Variants in PCSK2 observed in about 807,000 individuals in gnomAD.
PCSK2 encodes neuroendocrine convertase 2.
In PCSK2, 14 loss-of-function variants were observed where a neutral mutation model predicts 69.7. That is an observed-to-expected ratio of 0.20 (90% CI 0.13 to 0.31). The LOEUF is 0.31. Among genes scored for constraint, PCSK2 ranks in the 10% least tolerant of loss-of-function variants. The pLI is 1.00. For missense variants in PCSK2, 544 were observed against 842.5 expected, an observed-to-expected ratio of 0.65 and a Z score of 4.39; for synonymous variants, 307 against 320.7, an observed-to-expected ratio of 0.96 and a Z score of 0.46.
chr20:17,365,656 A>G (rs1340323463), intron 4 of PCSK2, among the ~76,000 whole-genome samples: 3 of 152,228 alleles, frequency 2.0e-5, no homozygotes, highest in Non-Finnish European at 4.4e-5. Context: ...TTGTAAAATC[A>G]AACAAGTTAC....
intron 6 of PCSK2, among the ~76,000 whole-genome samples, chr20:17,412,657 T>A (rs2031902621): frequency 6.6e-6 from 1 of 152,012 alleles, no homozygotes; most frequent in Admixed American, 6.6e-5. Context: ...CAGGCCAACA[T>A]TCAGATTCAG....
chr20:17,282,208 A>C (rs1988342470), intron 2 of PCSK2, among the ~76,000 whole-genome samples: 1 of 152,138 alleles, frequency 6.6e-6, no homozygotes, highest in African/African-American at 2.4e-5. Flanking sequence ...CACAAATGGC[A>C]GACAGACAAT....
intron 2 of PCSK2, among the ~76,000 whole-genome samples, chr20:17,337,760 T>TA (rs140609682): frequency 0.054 from 8,106 of 151,502 alleles, 446 homozygotes; most frequent in South Asian, 0.25. Context: ...CCTGACTCTT[T>TA]AAAAAAAATG....
At chr20:17,323,065 A>T (rs1438905399) in intron 2 of PCSK2, among the ~76,000 whole-genome samples, 1 of 152,058 alleles carries the variant, frequency 6.6e-6, no homozygotes, top group Non-Finnish European at 1.5e-5. Context: ...GGGTTTCACT[A>T]TGTTGGCCAG....
chr20:17,388,821 A>G (rs750703788), intron 5 of PCSK2, among the ~76,000 whole-genome samples: 2 of 152,178 alleles, frequency 1.3e-5, no homozygotes, highest in Non-Finnish European at 2.9e-5. Flanking sequence ...TTTTTCGCAC[A>G]TCATGGAGAG....
chr20:17,426,174 G>GA (rs2032244275), intron 6 of PCSK2, among the ~76,000 whole-genome samples: 1 of 152,034 alleles, frequency 6.6e-6, no homozygotes, highest in South Asian at 2.1e-4. Context: ...TGAATCATGG[G>GA]GTCAGTTTCC....
At chr20:17,262,613 A>T (rs188533980) in intron 2 of PCSK2, among the ~76,000 whole-genome samples, 1 of 152,330 alleles carries the variant, frequency 6.6e-6, no homozygotes, top group Non-Finnish European at 1.5e-5. Context: ...ACCAAAAATC[A>T]TTGACTATGA....
At chr20:17,397,281 G>A (rs993040733) in intron 5 of PCSK2, among the ~76,000 whole-genome samples, 1 of 152,148 alleles carries the variant, frequency 6.6e-6, no homozygotes, top group Non-Finnish European at 1.5e-5. Flanking sequence ...GCTTGGCATT[G>A]AGTTTGTCTG....
At chr20:17,305,919 C>T (rs1437697764) in intron 2 of PCSK2, among the ~76,000 whole-genome samples, 1 of 152,164 alleles carries the variant, frequency 6.6e-6, no homozygotes, top group Non-Finnish European at 1.5e-5. Flanking sequence ...TTAAGTTGAA[C>T]AGGATGCATT....
chr20:17,422,988 C>T (rs1021351150), intron 6 of PCSK2, among the ~76,000 whole-genome samples: 20 of 152,222 alleles, frequency 1.3e-4, no homozygotes, highest in Middle Eastern at 6.8e-3. Flanking sequence ...AATGAAAGAC[C>T]TAAATGGATA....
In PCSK2 at chr20:17,374,369, A is replaced by G. The variant is rs991867569; in HGVS notation, c.543+5092A>G. Among the ~76,000 whole-genome samples the G allele has an allele frequency of 5.3e-5, 8 of 152,250 alleles. No individual in the cohort carries two copies. The East Asian group carries it at 1.5e-3, about 29-fold the overall frequency. Reference sequence around the variant, plus strand: ...CTCAGGGGTTCTGTTAGGTCTATGGAACAAAGGGAGACTTCTTCAAGAACA... The same window carrying G: ...CTCAGGGGTTCTGTTAGGTCTATGGGACAAAGGGAGACTTCTTCAAGAACA... On this transcript the variant is annotated intron_variant, in intron 5 of 11. Coordinates refer to ENST00000262545, the MANE Select transcript of PCSK2 (RefSeq NM_002594.5).
chr20:17,453,792 C>A lies in PCSK2; in HGVS notation c.936C>A (p.Gly312=). 2 of 1,614,106 alleles carry A rather than the reference C, an allele frequency of 1.2e-6. No homozygotes were observed. The highest frequency in any genetic ancestry group is 1.7e-6 in the Non-Finnish European group (2 of 1,179,992). The change falls in exon 9 of 12, where the codon GGC becomes GGA. Residue 312 remains glycine, a synonymous_variant. Transcript: ENST00000262545. The surrounding 1 kb of genome is among the most constrained non-coding windows in gnomAD (Gnocchi z 4.0). ...ACGTGTGGGCCTCCGGGGACGGCGG[C>A]AGCTATGACGACTGCAACTGCGACG... The part of the protein sequence containing the change: ...SIYVWASGDG[G]SYDDCNCDGY...
intron 8 of PCSK2, among the ~76,000 whole-genome samples, chr20:17,442,475 C>A (rs944843720): frequency 6.6e-6 from 1 of 152,090 alleles, no homozygotes. Flanking sequence ...GCGGGAATGA[C>A]CTGCTCACTG....
At chr20:17,303,500 A>ATATTATATATAAT (rs1555786543) in intron 2 of PCSK2, among the ~76,000 whole-genome samples, 14 of 36,006 alleles carry the variant, frequency 3.9e-4, no homozygotes, top group Admixed American at 1.1e-3. Flanking sequence ...TATTTAATAT[A>ATATTATATATAAT]ATATATATTA....
At chr20:17,280,456 A>T (rs1380423109) in intron 2 of PCSK2, among the ~76,000 whole-genome samples, 1 of 152,216 alleles carries the variant, frequency 6.6e-6, no homozygotes, top group East Asian at 1.9e-4. Flanking sequence ...TTATCCCAGA[A>T]TGATGCCATG....
chr20:17,394,868 T>C (rs549409811), intron 5 of PCSK2, among the ~76,000 whole-genome samples: 1 of 152,222 alleles, frequency 6.6e-6, no homozygotes, highest in Non-Finnish European at 1.5e-5. Context: ...GCTGTCCAAG[T>C]TTTTTGGCTT....
At chr20:17,335,104 GCTCA>G (rs1990306808) in intron 2 of PCSK2, among the ~76,000 whole-genome samples, 1 of 152,172 alleles carries the variant, frequency 6.6e-6, no homozygotes, top group Admixed American at 6.5e-5. Context: ...CAGTTTTTTG[GCTCA>G]CTATTTTGTG....
At chr20:17,343,101 C>T (rs1002218954) in intron 2 of PCSK2, among the ~76,000 whole-genome samples, 1 of 152,220 alleles carries the variant, frequency 6.6e-6, no homozygotes, top group Non-Finnish European at 1.5e-5. Flanking sequence ...TGGGCCTAGA[C>T]AGTCCTTCTC....
chr20:17,289,105 G>C (rs966031010), intron 2 of PCSK2, among the ~76,000 whole-genome samples: 1 of 152,172 alleles, frequency 6.6e-6, no homozygotes, highest in African/African-American at 2.4e-5. Context: ...AGATGGTGCT[G>C]AATAAGCAAG....
Sources: gnomAD v4.1 joint callset for allele counts (sites outside exome capture counted in the v4.1 genomes callset) on GRCh38, gnomAD v4.1.1 for gene constraint, Gnocchi (gnomAD v3.1) non-coding constraint, MANE v1.5 for transcripts, NCBI Gene and HGNC (gene_info 2026-07-23, HGNC 2026-07-21) for gene names.